SKA3: variants seen among roughly 807,000 people sequenced by gnomAD.
SKA3 encodes the protein spindle and kinetochore-associated protein 3.
In SKA3, 39 loss-of-function variants were observed where a neutral mutation model predicts 44.2. The ratio of observed to expected loss-of-function variants is 0.88; its 90% CI spans 0.68 to 1.15. The LOEUF (loss-of-function observed/expected upper bound fraction) is 1.15, where lower values mean the gene tolerates loss of function less well. SKA3 is among the 50% of genes most tolerant of loss of function. The pLI is 0.00. For missense variants in SKA3, 511 were observed against 485.8 expected (o/e 1.05, Z -0.49); for synonymous variants, 192 against 172.0 (o/e 1.12, Z -0.91).
intron 3 of SKA3, among the ~76,000 whole-genome samples, chr13:21,170,531 A>C (rs1380841682): frequency 6.6e-6 from 1 of 152,056 alleles, no homozygotes; most frequent in South Asian, 2.1e-4. Context: ...TTGAGTTTAA[A>C]TCTCTAAAGT....
chr13:21,163,556 A>T (rs1870550255), intron 4 of SKA3, among the ~76,000 whole-genome samples: 1 of 152,220 alleles, frequency 6.6e-6, no homozygotes, highest in Non-Finnish European at 1.5e-5. Flanking sequence ...TGTCTTATCA[A>T]CACTGAATAT....
intron 4 of SKA3, 111 bp downstream of exon 4, chr13:21,167,877 C>G: frequency 1.3e-6 from 1 of 781,262 alleles, no homozygotes; most frequent in Admixed American, 4.8e-5. Flanking sequence ...TATCTGAAAA[C>G]TTTTTAAAGC....
At position 21,156,124 on chromosome 13, in the gene SKA3, T is replaced by C. The variant is rs1280316905; in HGVS notation, c.1120-313A>G. Among the ~76,000 whole-genome samples the C allele has an allele frequency of 6.7e-5, 10 of 149,470 alleles. No homozygotes were observed. The Admixed American group carries it at 6.7e-4, about 10-fold the overall frequency. On this transcript the variant is annotated intron_variant, in intron 7 of 8. Transcript: ENST00000314759. ...ATTACTTGAACCCCAGAGGCGGAGG[T>C]TGCAGTGAGCTGAGATCATGTCACT...
chr13:21,171,700 T>A (rs769399195), intron 3 of SKA3, among the ~76,000 whole-genome samples: 1 of 152,190 alleles, frequency 6.6e-6, no homozygotes, highest in Non-Finnish European at 1.5e-5. Flanking sequence ...ATTTAATCCT[T>A]ATACAATCTC....
chr13:21,160,792 A>G (rs1870397082), intron 5 of SKA3, among the ~76,000 whole-genome samples: 1 of 152,224 alleles, frequency 6.6e-6, no homozygotes, highest in South Asian at 2.1e-4. Flanking sequence ...AATAATAAAA[A>G]ATGAAAACAC....
In SKA3 at chr13:21,168,472, A is replaced by C. The variant is rs76187634; in HGVS notation, c.332-73T>G. 4.5e-3 allele frequency: 6,007 copies of C among 1,333,706 alleles called. 255 individuals carry two copies. The East Asian group carries it at 0.1, about 23-fold the overall frequency. The allele number at this position is 1,333,706 out of a possible 1,614,324, so 82.6% of individuals were successfully genotyped here. A position where few individuals can be genotyped will look rare whatever the true frequency, so the allele number is the denominator to read the frequency against. ...TTCACGTTTACAAAAACAACAGAAAACAGCTTATCTGAAATTTCCCAAATC... is the reference window on the plus strand; with the variant it reads ...TTCACGTTTACAAAAACAACAGAAACCAGCTTATCTGAAATTTCCCAAATC... On this transcript the variant is annotated intron_variant, in intron 3 of 8. Transcript: ENST00000314759.
intron 8 of SKA3, among the ~76,000 whole-genome samples, chr13:21,155,354 T>G (rs1461033042): frequency 6.6e-6 from 1 of 152,066 alleles, no homozygotes; most frequent in African/African-American, 2.4e-5. Flanking sequence ...GGCTATTAAC[T>G]TAAGCTGGCA....
chr13:21,158,155 T>C (rs749473787), intron 6 of SKA3, 30 bp from the exon 7 acceptor site: 18 of 1,378,090 alleles, frequency 1.3e-5, no homozygotes, highest in East Asian at 2.3e-5. Context: ...CATTAAATTA[T>C]GGTAATATAA....
At chr13:21,159,864 G>A (rs762291049) in intron 6 of SKA3, 38 bp downstream of exon 6, 20 of 1,492,966 alleles carry the variant, frequency 1.3e-5, no homozygotes, top group Non-Finnish European at 1.6e-5. Flanking sequence ...TGAGTCTTTA[G>A]GAGAAAGACT....
chr13:21,172,043 A>G (rs150127200), intron 3 of SKA3, among the ~76,000 whole-genome samples: 13 of 152,356 alleles, frequency 8.5e-5, no homozygotes, highest in African/African-American at 2.6e-4. Context: ...TTGAAGATTT[A>G]TCTTGTAGTT....
intron 4 of SKA3, among the ~76,000 whole-genome samples, chr13:21,164,919 C>T (rs543630440): frequency 2.6e-5 from 4 of 152,128 alleles, no homozygotes; most frequent in South Asian, 2.1e-4. Flanking sequence ...AAACAAATAT[C>T]GTTAAGATGT....
intron 5 of SKA3, 30 bp from the exon 6 acceptor site, chr13:21,160,017 A>G (rs1207563706): frequency 8.9e-7 from 1 of 1,117,874 alleles, no homozygotes; most frequent in African/African-American, 1.5e-5. Context: ...GTCATTAAAA[A>G]ACTATAACTA....
At position 21,176,460 on chromosome 13, in the gene SKA3, G is replaced by A. The variant is rs1325902365; in HGVS notation, c.18C>T (p.Ser6=). MDPIR[S]FCGKLRSLAS... ...CCAGAGACCGCAGCTTCCCGCAGAA[G>A]CTCCGGATAGGGTCCATGCTGAGCA... Residue 6 remains serine, a synonymous_variant, in exon 1 of 9, where the codon AGC becomes AGT. Coordinates refer to ENST00000314759, the MANE Select transcript of SKA3 (RefSeq NM_145061.6). 1.3e-6 allele frequency: 2 copies of A among 1,573,202 alleles called. No individual in the cohort carries two copies. Among genetic ancestry groups the A allele is most frequent in the South Asian group, 2.3e-5 (2 of 86,300 alleles).
intron 3 of SKA3, among the ~76,000 whole-genome samples, chr13:21,171,696 T>A (rs1871061246): frequency 6.6e-6 from 1 of 152,118 alleles, no homozygotes; most frequent in Non-Finnish European, 1.5e-5. Context: ...TCTTATTTAA[T>A]CCTTATACAA....
chr13:21,168,175 G>A lies in SKA3; in HGVS notation c.556C>T (p.Pro186Ser), dbSNP rs1292592066. The A allele has an allele frequency of 3.7e-6, 6 of 1,614,062 alleles. No individual in the cohort carries two copies. The South Asian group carries it at 6.6e-5, about 18-fold the overall frequency. ...TTGGTAGGTGGGGTTACAATTACGG[G>A]CTCTTCCTTATAGTTGTTCACTGCC... ...PQAVNNYKEE[P>S]VIVTPPTKQS... Residue 186 changes from proline to serine, a missense_variant, in exon 4 of 9, where the codon CCC becomes TCC. Physicochemically the swap from Pro to Ser is moderately conservative, Grantham distance 74. Coordinates refer to ENST00000314759, the MANE Select transcript of SKA3 (RefSeq NM_145061.6).
At chr13:21,161,138 C>A (rs1027622074) in intron 5 of SKA3, among the ~76,000 whole-genome samples, 2 of 152,020 alleles carry the variant, frequency 1.3e-5, no homozygotes, top group African/African-American at 2.4e-5. Context: ...CAAAAATTAG[C>A]TGGACGTCGT....
rs1398848125 is a variant in SKA3, at chr13:21,168,300, G to C, written c.431C>G (p.Ala144Gly). 5.0e-6 allele frequency: 8 copies of C among 1,614,132 alleles called. No individual in the cohort carries two copies. The highest frequency in any genetic ancestry group is 2.2e-5 in the East Asian group (1 of 44,886). The part of the protein sequence containing the change: ...VKDDLSDPPV[A>G]SSCISEKSPR... ...AGACTTCTCAGAAATACAACTGCTT[G>C]CAACAGGAGGATCAGACAGATCATC... The change falls in exon 4 of 9, where the codon GCA becomes GGA. Residue 144 changes from alanine to glycine, a missense_variant. Physicochemically the swap from Ala to Gly is moderately conservative, Grantham distance 60. Coordinates refer to ENST00000314759, the MANE Select transcript of SKA3 (RefSeq NM_145061.6).
At chr13:21,169,922 G>A (rs1051810057) in intron 3 of SKA3, among the ~76,000 whole-genome samples, 5 of 152,220 alleles carry the variant, frequency 3.3e-5, no homozygotes, top group African/African-American at 1.2e-4. Context: ...ACAGGCGTGA[G>A]CCACTGCACC....
chr13:21,172,477 C>T lies in SKA3; in HGVS notation c.193G>A (p.Ala65Thr). ...ATGCCTTCTTGATTTTCCAATCTTGCTTTATCAAGAAGAATATTAACATCA... is the reference window on the plus strand; with the variant it reads ...ATGCCTTCTTGATTTTCCAATCTTGTTTTATCAAGAAGAATATTAACATCA... ...KDDVNILLDK[A>T]RLENQEGIDF... Residue 65 changes from alanine (A) to threonine (T), a missense_variant, in exon 3 of 9, where the codon GCA becomes ACA. Ala to Thr is a moderately conservative substitution (Grantham distance 58). Transcript: ENST00000314759. The T allele has an allele frequency of 6.3e-7, 1 of 1,588,878 alleles. No individual in the cohort carries two copies. Among genetic ancestry groups the T allele is most frequent in the Non-Finnish European group, 8.5e-7 (1 of 1,170,102 alleles).
Sources: gnomAD v4.1 joint callset for allele counts (sites outside exome capture counted in the v4.1 genomes callset) on GRCh38, gnomAD v4.1.1 for gene constraint, MANE v1.5 for transcripts, NCBI Gene and HGNC (gene_info 2026-07-23, HGNC 2026-07-21) for gene names.